Variants in THADA observed in about 807,000 individuals in gnomAD.
THADA encodes the protein THADA armadillo repeat containing, also known as tRNA (32-2'-O)-methyltransferase regulator THADA.
THADA carries 213 observed loss-of-function variants against 219.8 expected under a neutral mutation model. That is an observed-to-expected ratio of 0.97 (90% CI 0.87 to 1.09). THADA has a LOEUF of 1.09. Ranked by LOEUF, THADA falls within the 50% of genes least tolerant of loss-of-function variation. THADA has a pLI of 0.00. For missense variants in THADA, 2,956 were observed against 2,311.3 expected (o/e 1.28, Z -5.72); for synonymous variants, 1,018 against 828.9 (o/e 1.23, Z -3.92).
chr2:43,517,559 G>C (rs1424211919), intron 22 of THADA, among the ~76,000 whole-genome samples: 2 of 152,156 alleles, frequency 1.3e-5, no homozygotes, highest in African/African-American at 2.4e-5. Context: ...CAAAGTGGCA[G>C]CTTAGAAAGG....
chr2:43,435,772 A>C (rs116451849), intron 26 of THADA, among the ~76,000 whole-genome samples: 15,559 of 144,058 alleles, frequency 0.11, 988 homozygotes, highest in African/African-American at 0.16. Flanking sequence ...AAGAGTGAGA[A>C]CTTGCCACCA....
rs143995049 is a variant in THADA at position 43,547,839 on chromosome 2, T to C, written c.3106+1371A>G. Among the ~76,000 whole-genome samples, 29 of 152,352 alleles carry C rather than the reference T, an allele frequency of 1.9e-4. No individual in the cohort carries two copies. The East Asian group carries it at 5.2e-3, about 27-fold the overall frequency. The stretch of plus-strand genomic sequence containing the variant: ...CCTCCTGTAGCTTGGAGTAGTTTGA[T>C]CATCTGAAGCCTTCTTCTCTCAACA... On this transcript the variant is annotated intron_variant, in intron 20 of 37. Coordinates refer to ENST00000405975, the MANE Select transcript of THADA (RefSeq NM_022065.5).
chr2:43,462,164 A>G (rs933837583), intron 26 of THADA, among the ~76,000 whole-genome samples: 5 of 152,212 alleles, frequency 3.3e-5, no homozygotes, highest in African/African-American at 4.8e-5. Flanking sequence ...ACATTTTAAG[A>G]TACTAGATTT....
At position 43,527,972 on chromosome 2, in the gene THADA, TCTC is replaced by T. The variant is rs752200674; in HGVS notation, c.3278_3280del (p.Gly1093del). ...CTGCAAAAGGTGTTGTTTAAAGTAA[TCTC>T]CTATTTCTTTTACCTTTAAAAAAAA... On this transcript the variant is annotated inframe_deletion, in exon 22 of 38. Transcript: ENST00000405975. The T allele has an allele frequency of 1.9e-5, 30 of 1,612,070 alleles. No homozygotes were observed.
intron 29 of THADA, among the ~76,000 whole-genome samples, chr2:43,377,901 C>G (rs1481553748): frequency 6.6e-6 from 1 of 152,080 alleles, no homozygotes; most frequent in Admixed American, 6.5e-5. Context: ...CCGCAAAAGG[C>G]AGAATTCACA....
chr2:43,382,376 A>G (rs894909077), intron 29 of THADA, among the ~76,000 whole-genome samples: 75 of 152,230 alleles, frequency 4.9e-4, no homozygotes, highest in Admixed American at 6.5e-5. Context: ...GTATATATAA[A>G]ACTATTCTTA....
At chr2:43,293,343 T>G (rs1674973300) in intron 31 of THADA, 130 bp from the exon 32 acceptor site, 1 of 1,004,146 alleles carries the variant, frequency 1.0e-6, no homozygotes, top group African/African-American at 1.6e-5. Flanking sequence ...TTTCAAACAC[T>G]GTCATAAGTG....
intron 29 of THADA, among the ~76,000 whole-genome samples, chr2:43,394,832 T>C (rs992019126): frequency 3.0e-4 from 45 of 152,294 alleles, no homozygotes; most frequent in African/African-American, 1.0e-3. Flanking sequence ...CTGACAAACA[T>C]GAATATGATA....
At chr2:43,344,296 GTTCCTCCCTTTTAAGT>G in intron 29 of THADA, 59 bp from the exon 30 acceptor site, 1 of 1,213,674 alleles carries the variant, frequency 8.2e-7, no homozygotes, top group South Asian at 1.4e-5. Flanking sequence ...TAAATGCTCA[GTTCCTCCCTTTTAAGT>G]TTCCTTAAAA....
chr2:43,283,996 T>C (rs979226206), intron 35 of THADA, among the ~76,000 whole-genome samples: 9 of 152,138 alleles, frequency 5.9e-5, no homozygotes, highest in Non-Finnish European at 8.8e-5. Flanking sequence ...CTGGCCAACA[T>C]GGTGAAACCC....
intron 31 of THADA, among the ~76,000 whole-genome samples, chr2:43,313,382 TAATAAC>T (rs972261140): frequency 6.6e-6 from 1 of 152,160 alleles, no homozygotes; most frequent in Non-Finnish European, 1.5e-5. Context: ...AAAAGAAAAA[TAATAAC>T]AATAATAAAA....
At chr2:43,306,777 C>T (rs143131417) in intron 31 of THADA, among the ~76,000 whole-genome samples, 59 of 152,338 alleles carry the variant, frequency 3.9e-4, no homozygotes, top group Non-Finnish European at 7.9e-4. Flanking sequence ...TAGGTTAATT[C>T]TGCCAGGTAA....
chr2:43,374,028 A>T (rs986000884), intron 29 of THADA, among the ~76,000 whole-genome samples: 16 of 152,232 alleles, frequency 1.1e-4, no homozygotes, highest in African/African-American at 3.6e-4. Context: ...TCTCAATCAA[A>T]AAACATTTCA....
At chr2:43,501,306 CCAAAAAAAAA>C (rs1688934063) in intron 24 of THADA, among the ~76,000 whole-genome samples, 7 of 12,288 alleles carry the variant, frequency 5.7e-4, no homozygotes, top group African/African-American at 1.9e-3. Context: ...AACTCCAACT[CCAAAAAAAAA>C]AAAAAAAAAA....
At chr2:43,522,603 A>C (rs1244636577) in intron 22 of THADA, among the ~76,000 whole-genome samples, 2 of 152,256 alleles carry the variant, frequency 1.3e-5, no homozygotes, top group Non-Finnish European at 2.9e-5. Context: ...ACTCACTGAG[A>C]ACAAAGTCCC....
chr2:43,240,759 T>C (rs1234345588), intron 36 of THADA, among the ~76,000 whole-genome samples: 1 of 152,224 alleles, frequency 6.6e-6, no homozygotes, highest in African/African-American at 2.4e-5. Flanking sequence ...TCTCCCCAGC[T>C]GCAAAGAACC....
intron 17 of THADA, 117 bp from the exon 18 acceptor site, chr2:43,552,456 T>A: frequency 9.0e-7 from 1 of 1,115,516 alleles, no homozygotes; most frequent in Non-Finnish European, 1.2e-6. Flanking sequence ...ACACTAGAGT[T>A]TTTTAATCAA....
At chr2:43,462,324 T>C (rs1683734061) in intron 26 of THADA, among the ~76,000 whole-genome samples, 2 of 152,154 alleles carry the variant, frequency 1.3e-5, no homozygotes, top group South Asian at 4.1e-4. Flanking sequence ...AAAATGTCCA[T>C]GAAAGCCATT....
At position 43,577,161 on chromosome 2, in the gene THADA, C is replaced by A. The variant is rs1227718499; in HGVS notation, c.898G>T (p.Gly300Cys). 6 of 1,609,900 alleles carry A rather than the reference C, an allele frequency of 3.7e-6. No individual in the cohort carries two copies. The East Asian group carries it at 1.3e-4, about 36-fold the overall frequency. ...FMSSCRSLCC[G>C]DISQSAVLFL... ...AAGACAGCTGACTGAGAGATGTCAC[C>A]ACAACAGAGGCTCCTGCAGCTGCTC... The change falls in exon 10 of 38, where the codon GGT becomes TGT. Residue 300 changes from glycine (G) to cysteine (C), a missense_variant. Gly to Cys is a radical substitution (Grantham distance 159). Coordinates refer to ENST00000405975, the MANE Select transcript of THADA (RefSeq NM_022065.5).
Sources: gnomAD v4.1 joint callset for allele counts (sites outside exome capture counted in the v4.1 genomes callset) on GRCh38, gnomAD v4.1.1 for gene constraint, MANE v1.5 for transcripts, NCBI Gene and HGNC (gene_info 2026-07-23, HGNC 2026-07-21) for gene names.